Variants in C9orf72 observed in about 807,000 individuals in gnomAD.
C9orf72 encodes guanine nucleotide exchange factor C9orf72.
Under a neutral mutation model 51.6 loss-of-function variants are expected in C9orf72, and 44 were observed. That is an observed-to-expected ratio of 0.85 (90% CI 0.67 to 1.10). C9orf72 has a LOEUF of 1.10. Ranked by LOEUF, C9orf72 falls within the 50% of genes least tolerant of loss-of-function variation. The probability of loss-of-function intolerance (pLI) is 0.00; values close to 1 mark genes in which losing one functional copy is unlikely to be tolerated. For missense variants in C9orf72, 607 were observed against 570.6 expected, an observed-to-expected ratio of 1.06 and a Z score of -0.65; for synonymous variants, 213 against 194.2, an observed-to-expected ratio of 1.10 and a Z score of -0.81.
At chr9:27,569,963 A>AT (rs1473880031) in intron 1 of C9orf72, among the ~76,000 whole-genome samples, 2 of 152,248 alleles carry the variant, frequency 1.3e-5, no homozygotes, top group African/African-American at 4.8e-5. Flanking sequence ...TTTACAGAGC[A>AT]TTAGATGAGT....
chr9:27,549,069 C>T (rs985120236), intron 9 of C9orf72, among the ~76,000 whole-genome samples: 1 of 152,128 alleles, frequency 6.6e-6, no homozygotes, highest in Non-Finnish European at 1.5e-5. Flanking sequence ...GTCTCGATCT[C>T]CTGACCTTGT....
chr9:27,568,086 CAAAAAAAAAA>C (rs11418499), intron 1 of C9orf72, among the ~76,000 whole-genome samples: 1 of 80,610 alleles, frequency 1.2e-5, no homozygotes. Context: ...GCTAAAAGGT[CAAAAAAAAAA>C]AAAAAAAAAA....
At chr9:27,554,182 T>C (rs555191659) in intron 8 of C9orf72, among the ~76,000 whole-genome samples, 1 of 152,256 alleles carries the variant, frequency 6.6e-6, no homozygotes, top group South Asian at 2.1e-4. Context: ...CCTAAAGGAA[T>C]ACAAATTTTT....
intron 2 of C9orf72, 92 bp from the exon 3 acceptor site, chr9:27,565,682 G>T: frequency 1.2e-6 from 1 of 807,396 alleles, no homozygotes; most frequent in Non-Finnish European, 2.0e-6. Context: ...TAGTAATTTA[G>T]TTCACAAGAA....
chr9:27,573,182 A>G (rs1197140762), intron 1 of C9orf72, among the ~76,000 whole-genome samples: 1 of 152,158 alleles, frequency 6.6e-6, no homozygotes, highest in African/African-American at 2.4e-5. Flanking sequence ...AGCAAGGAAG[A>G]GGCCAGATCC....
At chr9:27,565,657 A>G in intron 2 of C9orf72, 67 bp from the exon 3 acceptor site, 1 of 988,616 alleles carries the variant, frequency 1.0e-6, no homozygotes, top group South Asian at 1.3e-5. Context: ...ATTTTTCAAT[A>G]GACATGTTCT....
At chr9:27,571,513 T>A (rs1392530017) in intron 1 of C9orf72, among the ~76,000 whole-genome samples, 1 of 152,168 alleles carries the variant, frequency 6.6e-6, no homozygotes, top group African/African-American at 2.4e-5. Flanking sequence ...TGGAATGCAC[T>A]GGCAGGATCA....
At chr9:27,569,897 A>G (rs1478250362) in intron 1 of C9orf72, among the ~76,000 whole-genome samples, 1 of 152,238 alleles carries the variant, frequency 6.6e-6, no homozygotes, top group Non-Finnish European at 1.5e-5. Flanking sequence ...TTACTTAAAG[A>G]ATTTCATCCA....
chr9:27,557,685 T>C (rs1400997680), intron 7 of C9orf72, among the ~76,000 whole-genome samples: 1 of 152,126 alleles, frequency 6.6e-6, no homozygotes, highest in Non-Finnish European at 1.5e-5. Context: ...CAGATATGTA[T>C]AACTCAAATA....
At chr9:27,562,326 A>G (rs1819369057) in intron 4 of C9orf72, 55 bp downstream of exon 4, 1 of 761,282 alleles carries the variant, frequency 1.3e-6, no homozygotes. Context: ...ATACATAATA[A>G]TACTATAACC....
intron 9 of C9orf72, among the ~76,000 whole-genome samples, chr9:27,549,642 CG>C (rs1417582161): frequency 1.3e-5 from 2 of 151,962 alleles, no homozygotes; most frequent in African/African-American, 4.8e-5. Context: ...ATATAATCTA[CG>C]ATTTCCTTCA....
chr9:27,562,863 G>T (rs775380107), intron 3 of C9orf72, among the ~76,000 whole-genome samples: 3 of 152,020 alleles, frequency 2.0e-5, no homozygotes, highest in Admixed American at 2.0e-4. Context: ...TAGAGACGGG[G>T]TTTCGCCATG....
intron 1 of C9orf72, among the ~76,000 whole-genome samples, chr9:27,568,800 T>G (rs1819526320): frequency 6.6e-6 from 1 of 152,086 alleles, no homozygotes; most frequent in Admixed American, 6.5e-5. Context: ...CACTATACTA[T>G]GCCTTTTATT....
chr9:27,556,403 C>G (rs769284435), intron 8 of C9orf72, 158 bp downstream of exon 8: 2 of 597,556 alleles, frequency 3.3e-6, no homozygotes, highest in South Asian at 2.1e-5. Flanking sequence ...AAAAGAAGAA[C>G]ATTTAAGAAA....
chr9:27,566,672 C>G lies in C9orf72; in HGVS notation c.444+5G>C. ...ACATGATTAATAAGCTGAAAAATCA[C>G]TTACCTTATGCATCCATATTCTTCC... On this transcript the variant is annotated splice_donor_5th_base_variant and intron_variant, in intron 2 of 10. Transcript: ENST00000380003. 1 of 1,567,592 alleles carries G rather than the reference C, an allele frequency of 6.4e-7. No individual in the cohort carries two copies.
At chr9:27,556,988 A>T (rs1819217687) in intron 7 of C9orf72, among the ~76,000 whole-genome samples, 192 bp from the exon 8 acceptor site, 2 of 152,232 alleles carry the variant, frequency 1.3e-5, no homozygotes, top group African/African-American at 4.8e-5. Flanking sequence ...ATAGCAAAAC[A>T]TCAGAATGAC....
intron 8 of C9orf72, among the ~76,000 whole-genome samples, chr9:27,552,586 G>A (rs1307744323): frequency 6.9e-6 from 1 of 144,568 alleles, no homozygotes; most frequent in Non-Finnish European, 1.5e-5. Flanking sequence ...GAACTCCTGG[G>A]CTTAAGAGAT....
upstream of C9orf72, chr9:27,573,590 T>C (rs1171731462): frequency 7.4e-6 from 1 of 135,200 alleles, no homozygotes; most frequent in Non-Finnish European, 1.6e-5. Context: ...CAGGCTGCGG[T>C]TGTTTCCCTC....
chr9:27,560,476 C>G (rs909800508), intron 5 of C9orf72, 177 bp from the exon 6 acceptor site: 3 of 603,992 alleles, frequency 5.0e-6, no homozygotes, highest in African/African-American at 1.9e-5. Flanking sequence ...TTTCTAGAGA[C>G]CTTTCACAGA....
Sources: gnomAD v4.1 joint callset for allele counts (sites outside exome capture counted in the v4.1 genomes callset) on GRCh38, gnomAD v4.1.1 for gene constraint, MANE v1.5 for transcripts, NCBI Gene and HGNC (gene_info 2026-07-23, HGNC 2026-07-21) for gene names.